Variants in MRAP2 observed in about 807,000 individuals in gnomAD.
MRAP2 encodes the protein melanocortin 2 receptor accessory protein 2.
A neutral mutation model predicts 17.4 loss-of-function variants in MRAP2; 20 were observed. The ratio of observed to expected loss-of-function variants is 1.15; its 90% confidence interval spans 0.81 to 1.67. The LOEUF is 1.67. Among genes scored for constraint, MRAP2 ranks in the 40% most tolerant of loss-of-function variants. The pLI is 0.00. For missense variants in MRAP2, 238 were observed against 240.0 expected (o/e 0.99, Z 0.05); for synonymous variants, 96 against 88.4 (o/e 1.09, Z -0.48).
chr6:84,048,879 A>G (rs1429131277), intron 1 of MRAP2, among the ~76,000 whole-genome samples: 1 of 152,238 alleles, frequency 6.6e-6, no homozygotes, highest in East Asian at 1.9e-4. Context: ...CTTGATTAGC[A>G]TGACTGAGTC....
chr6:84,143,588 A>G, the MRAP2 span, among the ~76,000 whole-genome samples: 2 of 151,994 alleles, frequency 1.3e-5, no homozygotes, highest in Non-Finnish European at 2.9e-5. Context: ...AGGAGAACGA[A>G]GAACAAAAAA....
At chr6:84,056,621 A>T (rs189083608) in intron 2 of MRAP2, among the ~76,000 whole-genome samples, 1 of 152,348 alleles carries the variant, frequency 6.6e-6, no homozygotes, top group African/African-American at 2.4e-5. Context: ...ATTTACTTAA[A>T]TTCTTTAATA....
At chr6:84,132,853 G>A in the MRAP2 span, among the ~76,000 whole-genome samples, 20 of 152,156 alleles carry the variant, frequency 1.3e-4, no homozygotes, top group East Asian at 1.2e-3. Flanking sequence ...CTGTCAACTC[G>A]TCAAAGTCAT....
chr6:84,096,034 C>T, the MRAP2 span, among the ~76,000 whole-genome samples: 4 of 152,158 alleles, frequency 2.6e-5, no homozygotes, highest in Non-Finnish European at 4.4e-5. Flanking sequence ...TTCATAAAAT[C>T]CATACTGGAG....
At chr6:84,092,279 G>A (rs1435683207), downstream of MRAP2, among the ~76,000 whole-genome samples, 1 of 152,158 alleles carries the variant, frequency 6.6e-6, no homozygotes, top group Non-Finnish European at 1.5e-5. Flanking sequence ...ACAGGTTTCA[G>A]GGATTAGGAT....
At chr6:84,145,579 G>C in the MRAP2 span, among the ~76,000 whole-genome samples, 526 of 151,844 alleles carry the variant, frequency 3.5e-3, 3 homozygotes, top group African/African-American at 0.012. Flanking sequence ...TTATCTCTGG[G>C]GTTTTGTTAT....
chr6:84,084,317 G>C (rs1430297613), intron 3 of MRAP2, among the ~76,000 whole-genome samples: 1 of 152,144 alleles, frequency 6.6e-6, no homozygotes, highest in Non-Finnish European at 1.5e-5. Flanking sequence ...CTCCGTAGTA[G>C]ATAAAGCAAT....
intron 1 of MRAP2, among the ~76,000 whole-genome samples, chr6:84,048,792 C>T (rs772791105): frequency 1.1e-4 from 16 of 152,226 alleles, no homozygotes; most frequent in Non-Finnish European, 2.1e-4. Flanking sequence ...CCACGTAAAA[C>T]ATGTGCTGTG....
chr6:84,102,099 A>G, the MRAP2 span, among the ~76,000 whole-genome samples: 1,832 of 152,282 alleles, frequency 0.012, 34 homozygotes, highest in African/African-American at 0.041. Flanking sequence ...AAAATAAAGC[A>G]GTAGGAGTGA....
intron 3 of MRAP2, among the ~76,000 whole-genome samples, chr6:84,087,062 G>A (rs2099500661): frequency 6.6e-6 from 1 of 152,148 alleles, no homozygotes. Flanking sequence ...TCCGAGAGAG[G>A]TCTCAGTTAA....
chr6:84,109,961 A>G, the MRAP2 span, among the ~76,000 whole-genome samples: 2 of 152,090 alleles, frequency 1.3e-5, no homozygotes, highest in African/African-American at 4.8e-5. Context: ...ATAGTATTCC[A>G]TGGTGTATAT....
the MRAP2 span, among the ~76,000 whole-genome samples, chr6:84,142,799 T>G: frequency 2.0e-5 from 3 of 152,218 alleles, no homozygotes; most frequent in Admixed American, 1.3e-4. Context: ...ACAGTATCCA[T>G]TATTCCATGT....
chr6:84,036,674 C>G (rs923530535), intron 1 of MRAP2, among the ~76,000 whole-genome samples: 3 of 152,096 alleles, frequency 2.0e-5, no homozygotes, highest in South Asian at 4.1e-4. Flanking sequence ...GGGACCTGAG[C>G]GCCTTACCAC....
intron 3 of MRAP2, among the ~76,000 whole-genome samples, chr6:84,077,450 G>A (rs1240680621): frequency 2.6e-5 from 4 of 152,100 alleles, no homozygotes; most frequent in African/African-American, 9.7e-5. Flanking sequence ...GAAACTGAAG[G>A]GCTTTTGGCC....
the MRAP2 span, among the ~76,000 whole-genome samples, chr6:84,100,015 A>G: frequency 6.6e-6 from 1 of 152,032 alleles, no homozygotes; most frequent in Admixed American, 6.6e-5. Flanking sequence ...GCATGCCCCC[A>G]TGCCCAGCAA....
the MRAP2 span, chr6:84,125,283 A>G: frequency 1.2e-6 from 2 of 1,611,788 alleles, no homozygotes; most frequent in Admixed American, 1.7e-5. Flanking sequence ...TTATCTGCAA[A>G]TACAAAAATT....
intron 3 of MRAP2, chr6:84,063,501 C>A: frequency 2.4e-6 from 2 of 837,782 alleles, no homozygotes; most frequent in Non-Finnish European, 2.9e-6. Context: ...CAAAGGCAAA[C>A]ACTGTGGTTT....
chr6:84,077,633 TA>T (rs1488299129), intron 3 of MRAP2, among the ~76,000 whole-genome samples: 2 of 152,246 alleles, frequency 1.3e-5, no homozygotes, highest in African/African-American at 4.8e-5. Context: ...TGGTTAAATG[TA>T]TTGTTAACTA....
chr6:84,107,720 G>C, the MRAP2 span, among the ~76,000 whole-genome samples: 1 of 152,208 alleles, frequency 6.6e-6, no homozygotes, highest in East Asian at 1.9e-4. Flanking sequence ...AAGGTGTATT[G>C]CTGGCCTTAC....
Sources: gnomAD v4.1 joint callset for allele counts (sites outside exome capture counted in the v4.1 genomes callset) on GRCh38, gnomAD v4.1.1 for gene constraint, MANE v1.5 for transcripts, NCBI Gene and HGNC (gene_info 2026-07-23, HGNC 2026-07-21) for gene names.